The following PROK1 variants were observed in gnomAD, a reference collection of about 807,000 sequenced individuals.
PROK1 encodes prokineticin 1, also known as prokineticin-1.
In PROK1, 10 loss-of-function variants were observed where a neutral mutation model predicts 8.8. The observed-to-expected ratio is 1.13, with a 90% CI of 0.70 to 1.92. The LOEUF (loss-of-function observed/expected upper bound fraction) is 1.92, where lower values mean the gene tolerates loss of function less well. Among genes scored for constraint, PROK1 ranks in the 30% most tolerant of loss-of-function variants. The probability of loss-of-function intolerance (pLI) is 0.00; values close to 1 mark genes in which losing one functional copy is unlikely to be tolerated. For synonymous variants in PROK1, 57 were observed against 56.0 expected (o/e 1.02, Z -0.08); for missense variants, 140 against 139.7 (o/e 1.00, Z -0.01).
At chr1:110,454,899 GC>G (rs1325476814) in intron 2 of PROK1, among the ~76,000 whole-genome samples, 3 of 152,120 alleles carry the variant, frequency 2.0e-5, no homozygotes, top group Non-Finnish European at 4.4e-5. Flanking sequence ...ACCTGGTCAG[GC>G]CTACAGTGAG....
In PROK1 at chr1:110,451,243, C is replaced by T. The variant is rs775116623; in HGVS notation, c.27C>T (p.Ile9=). 1 of 1,614,186 alleles carries T rather than the reference C, an allele frequency of 6.2e-7. No individual in the cohort carries two copies. The highest frequency in any genetic ancestry group is 2.2e-5 in the East Asian group (1 of 44,888). Residue 9 remains isoleucine (I), a synonymous_variant, in exon 1 of 3, where the codon ATC becomes ATT. Transcript: ENST00000271331. ...TGAGAGGTGCCACGCGAGTCTCAAT[C>T]ATGCTCCTCCTAGTAACTGTGTCTG... MRGATRVS[I]MLLLVTVSDC...
rs531978506 is a variant in PROK1, at chr1:110,457,318, C to T, written c.*967C>T. ...TTCAGACCAGGGAGGCAACTACACA[C>T]CAACCTGCTGGCTTTAGAATAAAAG... On this transcript the variant is annotated 3_prime_UTR_variant, in exon 3 of 3. Transcript: ENST00000271331. The T allele has an allele frequency of 5.9e-5, 9 of 152,522 alleles. No individual in the cohort carries two copies. In the East Asian group the frequency reaches 1.5e-3, roughly 26 times the overall value. The allele number at this position is 152,522 out of a possible 1,614,324, so 9.4% of individuals were successfully genotyped here.
chr1:110,453,371 C>T (rs1570688394), intron 1 of PROK1, among the ~76,000 whole-genome samples: 1 of 152,232 alleles, frequency 6.6e-6, no homozygotes, highest in East Asian at 1.9e-4. Flanking sequence ...TTCTGCGATC[C>T]TCTCTGGGAA....
rs528383948 is a variant in PROK1 at position 110,455,354 on chromosome 1, C to A, written c.199-878C>A. Among the ~76,000 whole-genome samples, 519 of 152,336 alleles carry A rather than the reference C, an allele frequency of 3.4e-3. 6 individuals carry two copies. Among genetic ancestry groups the A allele is most frequent in the African/African-American group, 0.011 (470 of 41,578 alleles). Reference sequence around the variant, plus strand: ...TCGGGGACTTGCCTGCACCCCGGCTCGGTGCTCATCTCTAGGCACGGAGCG... The same window carrying A: ...TCGGGGACTTGCCTGCACCCCGGCTAGGTGCTCATCTCTAGGCACGGAGCG... On this transcript the variant is annotated intron_variant, in intron 2 of 2. Transcript: ENST00000271331.
In PROK1 at chr1:110,451,277, G is replaced by T. The variant is rs750139281; in HGVS notation, c.61G>T (p.Val21Leu). 2 of 1,614,154 alleles carry T rather than the reference G, an allele frequency of 1.2e-6. No homozygotes were observed. Among genetic ancestry groups the T allele is most frequent in the Non-Finnish European group, 8.5e-7 (1 of 1,179,956 alleles). The change falls in exon 1 of 3, where the codon GTG becomes TTG. Residue 21 changes from valine (V) to leucine (L), a missense_variant. Val to Leu is a conservative substitution (Grantham distance 32, BLOSUM62 1). Transcript: ENST00000271331. ...CCTAGTAACTGTGTCTGACTGTGCT[G>T]TGATCACAGGGGTAAGTCGCCTAAC... is the stretch of plus-strand genomic sequence containing the variant. ...LLLVTVSDCA[V>L]ITGACERDVQ...
chr1:110,453,839 C>T (rs189370992), intron 1 of PROK1, 122 bp from the exon 2 acceptor site: 148 of 1,340,562 alleles, frequency 1.1e-4, no homozygotes, highest in East Asian at 3.7e-4. Context: ...AGGCTAAGGC[C>T]GGGGGTGATA....
rs1033484846 is a variant in PROK1 at position 110,456,493 on chromosome 1, T to C, written c.*142T>C. On this transcript the variant is annotated 3_prime_UTR_variant, in exon 3 of 3. Coordinates refer to ENST00000271331, the MANE Select transcript of PROK1 (RefSeq NM_032414.3). Reference sequence around the variant, plus strand: ...ATCTCTCTTGTCTAGTACGCACATATGCACACAGGCAGACATACCTCCCAT... The same window carrying C: ...ATCTCTCTTGTCTAGTACGCACATACGCACACAGGCAGACATACCTCCCAT... 3 of 1,036,948 alleles carry C rather than the reference T, an allele frequency of 2.9e-6. No individual in the cohort carries two copies. Among genetic ancestry groups the C allele is most frequent in the African/African-American group, 1.6e-5 (1 of 64,022 alleles). 64.2% of individuals were successfully genotyped at this position (1,036,948 alleles called of 1,614,324 possible). A position where few individuals can be genotyped will look rare whatever the true frequency, so the allele number is the denominator to read the frequency against.
chr1:110,451,188 G>T lies in PROK1; in HGVS notation c.-29G>T, dbSNP rs368109229. 4 of 1,610,284 alleles carry T rather than the reference G, an allele frequency of 2.5e-6. No homozygotes were observed. Among genetic ancestry groups the T allele is most frequent in the Non-Finnish European group, 2.5e-6 (3 of 1,176,498 alleles). On this transcript the variant is annotated 5_prime_UTR_variant, in exon 1 of 3. Transcript: ENST00000271331. ...GAGGAAGCGAGAGGCATCTAAGCAGGCAGTGTTTTGCCTTCACCCCAAGTG... is the reference window on the plus strand; with the variant it reads ...GAGGAAGCGAGAGGCATCTAAGCAGTCAGTGTTTTGCCTTCACCCCAAGTG...
chr1:110,454,083 C>T lies in PROK1; in HGVS notation c.195C>T (p.His65=). The change falls in exon 2 of 3, where the codon CAC becomes CAT. Residue 65 remains histidine, a synonymous_variant. Transcript: ENST00000271331. Reference sequence around the variant, plus strand: ...GCGAGGAGTGCCACCCCGGCAGCCACAAGGTACTCTGCAGACACTGCATAG... The same window carrying T: ...GCGAGGAGTGCCACCCCGGCAGCCATAAGGTACTCTGCAGACACTGCATAG... The part of the protein sequence containing the change: ...REGEECHPGS[H]KVPFFRKRKH... The T allele has an allele frequency of 6.2e-7, 1 of 1,613,580 alleles. No homozygotes were observed. Among genetic ancestry groups the T allele is most frequent in the Non-Finnish European group, 8.5e-7 (1 of 1,179,916 alleles).
chr1:110,455,025 C>T lies in PROK1; in HGVS notation c.198+939C>T, dbSNP rs1274195156. Among the ~76,000 whole-genome samples, 3 of 152,218 alleles carry T rather than the reference C, an allele frequency of 2.0e-5. No homozygotes were observed. The South Asian group carries it at 6.2e-4, about 32-fold the overall frequency. On this transcript the variant is annotated intron_variant, in intron 2 of 2. Coordinates refer to ENST00000271331, the MANE Select transcript of PROK1 (RefSeq NM_032414.3). ...CCCAGTCCAGAGTCCTCTGGAGCCA[C>T]AGCATCCCTGCTGCTCTCCCTCTCT...
chr1:110,452,399 A>T (rs188132909), intron 1 of PROK1, among the ~76,000 whole-genome samples: 11 of 152,368 alleles, frequency 7.2e-5, no homozygotes, highest in Non-Finnish European at 1.5e-4. Context: ...TTTACACTGT[A>T]GGCTGCCCTT....
intron 2 of PROK1, among the ~76,000 whole-genome samples, chr1:110,454,971 G>T (rs1664149065): frequency 6.6e-6 from 1 of 152,148 alleles, no homozygotes; most frequent in African/African-American, 2.4e-5. Context: ...CATAGCTCCT[G>T]CCTTGCTCCC....
At chr1:110,455,509 G>A (rs1664158766) in intron 2 of PROK1, among the ~76,000 whole-genome samples, 1 of 152,226 alleles carries the variant, frequency 6.6e-6, no homozygotes, top group African/African-American at 2.4e-5. Flanking sequence ...ATGTGAGGTG[G>A]TTCAGCTCCA....
In PROK1 at chr1:110,456,568, G is replaced by T. The variant is rs1185659227; in HGVS notation, c.*217G>T. On this transcript the variant is annotated 3_prime_UTR_variant, in exon 3 of 3. Transcript: ENST00000271331. ...TGAGGATGTCACAGCTTGAGGCTGT[G>T]GTGTGAAAGGTGGCCAGCCTGGTTC... The T allele has an allele frequency of 1.1e-5, 7 of 621,880 alleles. No homozygotes were observed. Among genetic ancestry groups the T allele is most frequent in the Non-Finnish European group, 1.7e-5 (6 of 352,480 alleles). The allele number at this position is 621,880 out of a possible 1,614,324, so 38.5% of individuals were successfully genotyped here.
chr1:110,451,708 T>C lies in PROK1; in HGVS notation c.72+420T>C, dbSNP rs562820823. On this transcript the variant is annotated intron_variant, in intron 1 of 2. Transcript: ENST00000271331. ...TATTAATATTAATTTACATAGCATG[T>C]TGACTTAATTAAAGGCAGTAAGCTT... Among the ~76,000 whole-genome samples, 3 of 152,348 alleles carry C rather than the reference T, an allele frequency of 2.0e-5. No individual in the cohort carries two copies. The East Asian group carries it at 5.8e-4, about 29-fold the overall frequency.
rs1185078220 is a variant in PROK1, at chr1:110,457,237, A to G, written c.*886A>G. 6.6e-6 allele frequency: 1 copy of G among 152,552 alleles called. No individual in the cohort carries two copies. The highest frequency in any genetic ancestry group is 1.5e-5 in the Non-Finnish European group (1 of 68,188). 9.4% of individuals were successfully genotyped at this position (152,552 alleles called of 1,614,324 possible). The stretch of plus-strand genomic sequence containing the variant: ...CTTTGAGGAGGGCAGTCCTCTGTCC[A>G]GATTGGGGTGGGAGCAAGGGACAGG... On this transcript the variant is annotated 3_prime_UTR_variant, in exon 3 of 3. Transcript: ENST00000271331.
Position 110,456,369 on chromosome 1 carries a change from G to A in PROK1, c.*18G>A, listed in dbSNP as rs1664173303. 6.2e-7 allele frequency: 1 copy of A among 1,613,364 alleles called. No homozygotes were observed. The highest frequency in any genetic ancestry group is 1.1e-5 in the South Asian group (1 of 91,080). On this transcript the variant is annotated 3_prime_UTR_variant, in exon 3 of 3. Coordinates refer to ENST00000271331, the MANE Select transcript of PROK1 (RefSeq NM_032414.3). Reference sequence around the variant, plus strand: ...ATTTTTAGGCGCTTGCCTGGTCTCAGGATACCCACCATCCTTTTCCTGAGC... The same window carrying A: ...ATTTTTAGGCGCTTGCCTGGTCTCAAGATACCCACCATCCTTTTCCTGAGC...
Position 110,456,382 on chromosome 1 carries a change from C to G in PROK1, c.*31C>G. The G allele has an allele frequency of 6.2e-7, 1 of 1,612,956 alleles. No individual in the cohort carries two copies. Among genetic ancestry groups the G allele is most frequent in the Non-Finnish European group, 8.5e-7 (1 of 1,179,944 alleles). ...TGCCTGGTCTCAGGATACCCACCAT[C>G]CTTTTCCTGAGCACAGCCTGGATTT... On this transcript the variant is annotated 3_prime_UTR_variant, in exon 3 of 3. Coordinates refer to ENST00000271331, the MANE Select transcript of PROK1 (RefSeq NM_032414.3).
chr1:110,452,393 C>T (rs553567933), intron 1 of PROK1, among the ~76,000 whole-genome samples: 5 of 152,314 alleles, frequency 3.3e-5, no homozygotes, highest in Admixed American at 2.6e-4. Flanking sequence ...GAAGTGTTTA[C>T]ACTGTAGGCT....
Sources: gnomAD v4.1 joint callset for allele counts (sites outside exome capture counted in the v4.1 genomes callset) on GRCh38, gnomAD v4.1.1 for gene constraint, MANE v1.5 for transcripts, NCBI Gene and HGNC (gene_info 2026-07-23, HGNC 2026-07-21) for gene names.